Variants in TRAK2 observed in about 807,000 individuals in gnomAD.
TRAK2 encodes trafficking kinesin protein 2, also known as trafficking kinesin-binding protein 2.
In TRAK2, 81 loss-of-function variants were observed where a neutral mutation model predicts 104.6. The ratio of observed to expected loss-of-function variants is 0.77; its 90% confidence interval spans 0.65 to 0.93. The LOEUF (loss-of-function observed/expected upper bound fraction) is 0.93. Among genes scored for constraint, TRAK2 ranks in the 40% least tolerant of loss-of-function variants. TRAK2 has a pLI of 0.00. For missense variants in TRAK2, 1,002 were observed against 1,089.0 expected, an observed-to-expected ratio of 0.92 and a Z score of 1.12; for synonymous variants, 406 against 394.4, an observed-to-expected ratio of 1.03 and a Z score of -0.35.
chr2:201,389,081 C>T (rs1290835393), intron 12 of TRAK2, among the ~76,000 whole-genome samples: 1 of 152,162 alleles, frequency 6.6e-6, no homozygotes, highest in Non-Finnish European at 1.5e-5. Context: ...GAGAAGGTGT[C>T]ATCCGATGTA....
intron 3 of TRAK2, among the ~76,000 whole-genome samples, chr2:201,407,200 C>T (rs890429935): frequency 6.6e-6 from 1 of 152,180 alleles, no homozygotes; most frequent in African/African-American, 2.4e-5. Flanking sequence ...GTTTGCAACA[C>T]TAGACACTGA....
At chr2:201,428,224 T>A (rs1416642831) in intron 1 of TRAK2, among the ~76,000 whole-genome samples, 2 of 152,252 alleles carry the variant, frequency 1.3e-5, no homozygotes, top group Non-Finnish European at 2.9e-5. Flanking sequence ...TTTGGTGTTT[T>A]AGACATGAAG....
chr2:201,420,744 C>T, intron 1 of TRAK2, 38 bp from the exon 2 acceptor site: 1 of 389,592 alleles, frequency 2.6e-6, no homozygotes, highest in Non-Finnish European at 4.6e-6. Context: ...ACTCAGCATG[C>T]TCTTTAACAA....
At chr2:201,392,132 GGAAA>G in intron 10 of TRAK2, among the ~76,000 whole-genome samples, 1 of 151,900 alleles carries the variant, frequency 6.6e-6, no homozygotes, top group Non-Finnish European at 1.5e-5. Context: ...TAGCCCAGGG[GGAAA>G]GAAAGAGAAA....
chr2:201,445,639 T>C (rs1951958895), intron 1 of TRAK2, among the ~76,000 whole-genome samples: 1 of 152,208 alleles, frequency 6.6e-6, no homozygotes. Flanking sequence ...AAGATTTGGA[T>C]AGGTGAGGAG....
chr2:201,440,319 C>G (rs886365900), intron 1 of TRAK2, among the ~76,000 whole-genome samples: 2 of 152,130 alleles, frequency 1.3e-5, no homozygotes, highest in African/African-American at 2.4e-5. Flanking sequence ...TCTCCCCTTT[C>G]TAACTCGCTG....
chr2:201,397,392 A>AAATTTTTTTTTTTTTTTTTTTTT, intron 7 of TRAK2, 110 bp downstream of exon 7: 1 of 663,112 alleles, frequency 1.5e-6, no homozygotes, highest in Non-Finnish European at 2.6e-6. Context: ...ACCATTTAAA[A>AAATTTTTTTTTTTTTTTTTTTTT]TTGTTTCTTG....
rs1464175530 is a variant in TRAK2, at chr2:201,394,790, T to G, written c.975+8A>C. ...CTCCTGAATTACACAAGATAAAGATTTCATTACCTCCATTGTCAGTTGCCG... is the reference window on the plus strand; with the variant it reads ...CTCCTGAATTACACAAGATAAAGATGTCATTACCTCCATTGTCAGTTGCCG... On this transcript the variant is annotated splice_region_variant and intron_variant, in intron 9 of 15. Transcript: ENST00000332624. 5 of 1,612,252 alleles carry G rather than the reference T, an allele frequency of 3.1e-6. No homozygotes were observed. In the East Asian group the frequency reaches 6.7e-5, roughly 22 times the overall value.
chr2:201,380,506 T>C lies in TRAK2; in HGVS notation c.*37A>G. The C allele has an allele frequency of 1.9e-6, 3 of 1,592,734 alleles. No homozygotes were observed. The highest frequency in any genetic ancestry group is 2.6e-6 in the Non-Finnish European group (3 of 1,165,042). On this transcript the variant is annotated 3_prime_UTR_variant, in exon 16 of 16. Coordinates refer to ENST00000332624, the MANE Select transcript of TRAK2 (RefSeq NM_015049.3). Reference sequence around the variant, plus strand: ...TTTCAGTGCATATCTATCCTTCATGTGCTAACTTGTATAAAAGGTCAGTTA... The same window carrying C: ...TTTCAGTGCATATCTATCCTTCATGCGCTAACTTGTATAAAAGGTCAGTTA...
At chr2:201,432,958 T>C (rs575103053) in intron 1 of TRAK2, among the ~76,000 whole-genome samples, 1 of 152,366 alleles carries the variant, frequency 6.6e-6, no homozygotes, top group African/African-American at 2.4e-5. Flanking sequence ...GCAATAGCTC[T>C]CTTAGGCAGT....
At chr2:201,413,628 GAC>G (rs1951667608) in intron 2 of TRAK2, among the ~76,000 whole-genome samples, 1 of 151,980 alleles carries the variant, frequency 6.6e-6, no homozygotes, top group Admixed American at 6.6e-5. Flanking sequence ...AAAGGTAGAA[GAC>G]ACTTTCGGAA....
chr2:201,448,590 A>C (rs1440983609), intron 1 of TRAK2, among the ~76,000 whole-genome samples: 2 of 152,182 alleles, frequency 1.3e-5, no homozygotes, highest in African/African-American at 4.8e-5. Flanking sequence ...TGGTAACTAA[A>C]GAGGTTCAAA....
At chr2:201,417,211 C>T (rs190697503) in intron 2 of TRAK2, among the ~76,000 whole-genome samples, 1 of 131,782 alleles carries the variant, frequency 7.6e-6, no homozygotes, top group East Asian at 2.2e-4. Context: ...GCCAGTATTA[C>T]CTCAATATCA....
At chr2:201,401,169 G>C in intron 3 of TRAK2, 75 bp from the exon 4 acceptor site, 1 of 961,264 alleles carries the variant, frequency 1.0e-6, no homozygotes. Context: ...AGAATTGAGA[G>C]ATAACAACAA....
intron 1 of TRAK2, among the ~76,000 whole-genome samples, chr2:201,435,465 A>G (rs1425513797): frequency 6.6e-6 from 1 of 152,198 alleles, no homozygotes; most frequent in African/African-American, 2.4e-5. Context: ...CATAAAAGCT[A>G]CCCAAGGCTA....
chr2:201,440,051 T>C (rs939934223), intron 1 of TRAK2, among the ~76,000 whole-genome samples: 1 of 150,770 alleles, frequency 6.6e-6, no homozygotes, highest in Admixed American at 6.6e-5. Flanking sequence ...AACCTGCACA[T>C]TGTGCACATG....
In TRAK2 at chr2:201,418,798, A is replaced by G. The variant is rs191003027; in HGVS notation, c.91+1619T>C. Among the ~76,000 whole-genome samples, 36 of 152,292 alleles carry G rather than the reference A, an allele frequency of 2.4e-4. 1 individual carries two copies. The highest frequency in any genetic ancestry group is 2.0e-3 in the Admixed American group (31 of 15,296). ...TGACTTAAAAGTAGAAGTAAAAACTATAAAACTTTTTCTTTTATGTGCAGA... is the reference window on the plus strand; with the variant it reads ...TGACTTAAAAGTAGAAGTAAAAACTGTAAAACTTTTTCTTTTATGTGCAGA... On this transcript the variant is annotated intron_variant, in intron 2 of 15. Transcript: ENST00000332624.
At chr2:201,448,533 T>C (rs2125665767) in intron 1 of TRAK2, among the ~76,000 whole-genome samples, 1 of 152,348 alleles carries the variant, frequency 6.6e-6, no homozygotes, top group South Asian at 2.1e-4. Flanking sequence ...GTCATTTAAA[T>C]GTGACTATTA....
At chr2:201,421,568 TG>T (rs138078890) in intron 1 of TRAK2, among the ~76,000 whole-genome samples, 16 of 150,912 alleles carry the variant, frequency 1.1e-4, no homozygotes, top group Non-Finnish European at 8.9e-5. Flanking sequence ...TCCCCTGGGG[TG>T]GGGGGGGCAA....
Sources: gnomAD v4.1 joint callset for allele counts (sites outside exome capture counted in the v4.1 genomes callset) on GRCh38, gnomAD v4.1.1 for gene constraint, MANE v1.5 for transcripts, NCBI Gene and HGNC (gene_info 2026-07-23, HGNC 2026-07-21) for gene names.